Variants in TRAPPC9 observed in about 807,000 individuals in gnomAD.
TRAPPC9 encodes the protein IKK2 binding protein.
A neutral mutation model predicts 124.0 loss-of-function variants in TRAPPC9; 83 were observed. The observed-to-expected ratio is 0.67, with a 90% CI of 0.56 to 0.80. TRAPPC9 has a LOEUF of 0.80. TRAPPC9 is among the 30% of genes least tolerant of loss of function. The pLI, the probability that TRAPPC9 is intolerant of heterozygous loss-of-function variation, is 0.00. For missense variants in TRAPPC9, 1,302 were observed against 1,508.3 expected (o/e 0.86, Z 2.27); for synonymous variants, 638 against 617.5 (o/e 1.03, Z -0.49).
intron 17 of TRAPPC9, among the ~76,000 whole-genome samples, chr8:140,157,002 T>C (rs1300371688): frequency 9.1e-5 from 2 of 22,088 alleles, no homozygotes; most frequent in Admixed American, 3.8e-4. Flanking sequence ...AAAGCCTCCC[T>C]TTTCCATTCA....
chr8:139,848,319 C>T (rs1456002986), intron 21 of TRAPPC9, among the ~76,000 whole-genome samples: 1 of 152,200 alleles, frequency 6.6e-6, no homozygotes, highest in African/African-American at 2.4e-5. Context: ...GCCCATGTTG[C>T]CTCTAAAGAT....
At chr8:140,268,848 G>A (rs574145215) in intron 15 of TRAPPC9, among the ~76,000 whole-genome samples, 135 of 152,236 alleles carry the variant, frequency 8.9e-4, no homozygotes, top group African/African-American at 3.1e-3. Flanking sequence ...CCATGTTGAC[G>A]GTCTCGGCAT....
At chr8:140,051,600 G>A (rs1004690591) in intron 17 of TRAPPC9, among the ~76,000 whole-genome samples, 1 of 31,290 alleles carries the variant, frequency 3.2e-5, no homozygotes, top group African/African-American at 1.5e-4. Flanking sequence ...TTTTTTTTTT[G>A]CCTTTGAGAA....
intron 19 of TRAPPC9, among the ~76,000 whole-genome samples, chr8:139,955,749 C>T (rs1473577544): frequency 4.6e-5 from 7 of 152,212 alleles, no homozygotes; most frequent in African/African-American, 1.4e-4. Context: ...GACTCACCCC[C>T]AGTCTGAGTT....
intron 7 of TRAPPC9, among the ~76,000 whole-genome samples, chr8:140,383,808 G>C (rs2068679891): frequency 6.6e-6 from 1 of 152,078 alleles, no homozygotes; most frequent in African/African-American, 2.4e-5. Flanking sequence ...ACGAAATACA[G>C]AGAACACCAC....
Position 139,983,264 on chromosome 8 carries a change from C to T in TRAPPC9, c.2810+5462G>A, listed in dbSNP as rs549067242. Among the ~76,000 whole-genome samples the T allele has an allele frequency of 2.0e-5, 3 of 152,230 alleles. No individual in the cohort carries two copies. The East Asian group carries it at 5.8e-4, about 29-fold the overall frequency. Reference sequence around the variant, plus strand: ...GAACCTGCAGCCTCCAGAATCTGCCCAGCGTCTTGATCTTGAACCTGCAGT... The same window carrying T: ...GAACCTGCAGCCTCCAGAATCTGCCTAGCGTCTTGATCTTGAACCTGCAGT... On this transcript the variant is annotated intron_variant, in intron 19 of 22. Coordinates refer to ENST00000438773, the MANE Select transcript of TRAPPC9 (RefSeq NM_001160372.4).
At chr8:139,975,978 C>A (rs902871807) in intron 19 of TRAPPC9, among the ~76,000 whole-genome samples, 30 of 147,006 alleles carry the variant, frequency 2.0e-4, no homozygotes, top group Non-Finnish European at 3.9e-4. Flanking sequence ...CAGGCTTCAC[C>A]CCCCCGGGGT....
At chr8:140,050,794 G>A (rs1014735558) in intron 17 of TRAPPC9, among the ~76,000 whole-genome samples, 13 of 152,110 alleles carry the variant, frequency 8.5e-5, no homozygotes, top group African/African-American at 2.2e-4. Flanking sequence ...ACAACCCACC[G>A]ACAACCCCAG....
intron 21 of TRAPPC9, among the ~76,000 whole-genome samples, chr8:139,872,261 T>TGGAC (rs1422901413): frequency 6.7e-6 from 1 of 148,968 alleles, no homozygotes; most frequent in Non-Finnish European, 1.5e-5. Flanking sequence ...GTTGGATGAG[T>TGGAC]GGATGGATGG....
intron 21 of TRAPPC9, among the ~76,000 whole-genome samples, chr8:139,873,308 A>G (rs1046003951): frequency 6.6e-6 from 1 of 152,184 alleles, no homozygotes; most frequent in African/African-American, 2.4e-5. Context: ...CACATTGATC[A>G]CTGATAGGTG....
At chr8:140,221,036 C>T (rs2063327737) in intron 17 of TRAPPC9, among the ~76,000 whole-genome samples, 1 of 152,232 alleles carries the variant, frequency 6.6e-6, no homozygotes, top group African/African-American at 2.4e-5. Flanking sequence ...CTGACATTCA[C>T]TTGCTACCGG....
At chr8:140,150,806 C>T (rs186252926) in intron 17 of TRAPPC9, among the ~76,000 whole-genome samples, 139 of 131,858 alleles carry the variant, frequency 1.1e-3, no homozygotes, top group African/African-American at 4.0e-3. Flanking sequence ...TCAACGCAGC[C>T]TCCAGGCTCG....
intron 19 of TRAPPC9, among the ~76,000 whole-genome samples, chr8:139,939,970 C>A (rs111322243): frequency 2.6e-5 from 4 of 152,300 alleles, no homozygotes; most frequent in African/African-American, 9.6e-5. Context: ...GAACCAGAAA[C>A]GAGATTGAAT....
chr8:139,767,262 G>A (rs1034617817), intron 21 of TRAPPC9, among the ~76,000 whole-genome samples: 1 of 152,240 alleles, frequency 6.6e-6, no homozygotes, highest in African/African-American at 2.4e-5. Context: ...ACAGATGTGA[G>A]CCAAGTCTGT....
intron 17 of TRAPPC9, among the ~76,000 whole-genome samples, chr8:140,191,029 C>T (rs1419298590): frequency 1.3e-5 from 2 of 152,094 alleles, no homozygotes; most frequent in Admixed American, 6.5e-5. Flanking sequence ...GGCAGTCTCT[C>T]GGAGAGGCCA....
chr8:139,947,737 G>A (rs1587310548), intron 19 of TRAPPC9, among the ~76,000 whole-genome samples: 3 of 150,590 alleles, frequency 2.0e-5, no homozygotes, highest in Middle Eastern at 6.8e-3. Flanking sequence ...TCATGGTGGC[G>A]GGCACCTGTA....
At chr8:140,279,291 CATTGCATTTTTTATTA>C (rs2065230326) in intron 14 of TRAPPC9, among the ~76,000 whole-genome samples, 1 of 152,166 alleles carries the variant, frequency 6.6e-6, no homozygotes, top group African/African-American at 2.4e-5. Context: ...ATTTTTTATT[CATTGCATTTTTTATTA>C]ATTGCTAGTC....
At chr8:139,941,974 G>T (rs1387891845) in intron 19 of TRAPPC9, among the ~76,000 whole-genome samples, 1 of 152,210 alleles carries the variant, frequency 6.6e-6, no homozygotes, top group East Asian at 1.9e-4. Context: ...GAGGGTGTAT[G>T]AAGAACACAG....
chr8:140,311,828 T>C (rs2131885480), intron 9 of TRAPPC9, among the ~76,000 whole-genome samples: 1 of 152,360 alleles, frequency 6.6e-6, no homozygotes, highest in South Asian at 2.1e-4. Flanking sequence ...CAAATCAACA[T>C]TTTTGATGCA....
Sources: gnomAD v4.1 joint callset for allele counts (sites outside exome capture counted in the v4.1 genomes callset) on GRCh38, gnomAD v4.1.1 for gene constraint, MANE v1.5 for transcripts, NCBI Gene and HGNC (gene_info 2026-07-23, HGNC 2026-07-21) for gene names.